DLGAP5: variants seen among roughly 807,000 people sequenced by gnomAD.
DLGAP5 encodes the protein disks large-associated protein 5.
A neutral mutation model predicts 99.6 loss-of-function variants in DLGAP5; 90 were observed. The ratio of observed to expected loss-of-function variants is 0.90; its 90% CI spans 0.76 to 1.08. The LOEUF (loss-of-function observed/expected upper bound fraction) is 1.08. Among genes scored for constraint, DLGAP5 ranks in the 50% least tolerant of loss-of-function variants. The pLI is 0.00. For missense variants in DLGAP5, 1,036 were observed against 983.5 expected (o/e 1.05, Z -0.71); for synonymous variants, 311 against 321.3 (o/e 0.97, Z 0.34).
At chr14:55,170,608 A>C in intron 11 of DLGAP5, 94 bp downstream of exon 11, 3 of 1,105,954 alleles carry the variant, frequency 2.7e-6, no homozygotes, top group Non-Finnish European at 4.0e-6. Flanking sequence ...ATAATGAAAC[A>C]ATAAAGTTAG....
chr14:55,149,816 G>GA (rs1881949137), intron 18 of DLGAP5, among the ~76,000 whole-genome samples: 1 of 7,894 alleles, frequency 1.3e-4, no homozygotes, highest in South Asian at 5.7e-3. Context: ...GAATCGGGGC[G>GA]GGGGGGGGGC....
At chr14:55,182,263 G>C in intron 4 of DLGAP5, 107 bp downstream of exon 4, 2 of 949,560 alleles carry the variant, frequency 2.1e-6, no homozygotes, top group Non-Finnish European at 3.1e-6. Context: ...GTTAACTCTA[G>C]TAAATTAATC....
At position 55,162,660 on chromosome 14, in the gene DLGAP5, A is replaced by G. The variant is rs991285013; in HGVS notation, c.1653+311T>C. ...GAAGAAGAATAAAACCAACACTCAT[A>G]TATCCAGTATGTGGTAACTTAGAAG... On this transcript the variant is annotated intron_variant, in intron 13 of 18. Coordinates refer to ENST00000247191, the MANE Select transcript of DLGAP5 (RefSeq NM_014750.5). Among the ~76,000 whole-genome samples the G allele has an allele frequency of 5.9e-5, 9 of 151,960 alleles. No homozygotes were observed. In the East Asian group the frequency reaches 1.5e-3, roughly 26 times the overall value.
At chr14:55,176,420 G>A (rs999463190) in intron 8 of DLGAP5, among the ~76,000 whole-genome samples, 4 of 152,150 alleles carry the variant, frequency 2.6e-5, no homozygotes, top group Admixed American at 1.3e-4. Context: ...TACTAAGCCA[G>A]AAGAAAATGA....
intron 18 of DLGAP5, among the ~76,000 whole-genome samples, chr14:55,149,824 G>C (rs1881951089): frequency 8.3e-6 from 1 of 121,066 alleles, no homozygotes; most frequent in Non-Finnish European, 1.8e-5. Context: ...GCGGGGGGGG[G>C]GCATCACCTG....
At chr14:55,157,837 G>T (rs1285397537) in intron 14 of DLGAP5, among the ~76,000 whole-genome samples, 1 of 152,254 alleles carries the variant, frequency 6.6e-6, no homozygotes, top group South Asian at 2.1e-4. Context: ...ATCATAGCTC[G>T]CTGTAACCTT....
intron 12 of DLGAP5, among the ~76,000 whole-genome samples, chr14:55,165,658 T>C (rs913820659): frequency 5.9e-5 from 9 of 152,204 alleles, no homozygotes; most frequent in Non-Finnish European, 1.2e-4. Context: ...GAAATGCAGA[T>C]AGTACTGAAC....
At chr14:55,176,649 CTAA>C (rs1248486276) in intron 8 of DLGAP5, among the ~76,000 whole-genome samples, 2 of 151,938 alleles carry the variant, frequency 1.3e-5, no homozygotes, top group Non-Finnish European at 2.9e-5. Flanking sequence ...ACACAGTTCA[CTAA>C]TAATAACTTT....
At chr14:55,188,573 C>T (rs17128292) in intron 2 of DLGAP5, among the ~76,000 whole-genome samples, 12,626 of 152,016 alleles carry the variant, frequency 0.083, 1,406 homozygotes, top group African/African-American at 0.25. Context: ...TAATACTCCA[C>T]AGGTAAAGGC....
At chr14:55,189,288 A>G (rs540602731) in intron 1 of DLGAP5, 108 bp from the exon 2 acceptor site, 9 of 790,836 alleles carry the variant, frequency 1.1e-5, no homozygotes, top group East Asian at 1.1e-4. Context: ...AAATAAAAAT[A>G]TAAAATGTGC....
In DLGAP5 at chr14:55,175,901, C is replaced by T. The variant is rs1021334718; in HGVS notation, c.1167G>A (p.Trp389Ter). The T allele has an allele frequency of 1.9e-6, 3 of 1,591,194 alleles. No individual in the cohort carries two copies. The highest frequency in any genetic ancestry group is 3.4e-5 in the Admixed American group (2 of 58,918). The change falls in exon 9 of 19, where the codon TGG becomes TGA. Residue 389 changes from tryptophan to a stop codon, truncating the protein, a stop_gained. Transcript: ENST00000247191. LOFTEE classifies it high-confidence loss of function. ...LPCPLGPLTV[W>*]HEEHVLNKNE... ...ATTAATTAAATACTATACCTTCATG[C>T]CAAACAGTTAGAGGACCCAAAGGAC...
intron 2 of DLGAP5, among the ~76,000 whole-genome samples, chr14:55,185,807 CCT>C (rs1460050243): frequency 1.3e-5 from 2 of 152,170 alleles, no homozygotes; most frequent in Non-Finnish European, 1.5e-5. Flanking sequence ...CTTTACATTC[CCT>C]CTCTTTTCAA....
In DLGAP5 at chr14:55,158,598, C is replaced by G; in HGVS notation, c.1797G>C (p.Val599=). 6.2e-7 allele frequency: 1 copy of G among 1,614,126 alleles called. No individual in the cohort carries two copies. Among genetic ancestry groups the G allele is most frequent in the African/African-American group, 1.3e-5 (1 of 75,042 alleles). The part of the protein sequence containing the change: ...QEECAETAVS[V]IPKEVDKIVF... Reference sequence around the variant, plus strand: ...CTATTTTATCAACTTCCTTTGGTATCACAGAAACTGCTGTTTCAGCACATT... The same window carrying G: ...CTATTTTATCAACTTCCTTTGGTATGACAGAAACTGCTGTTTCAGCACATT... Residue 599 remains valine, a synonymous_variant, in exon 14 of 19, where the codon GTG becomes GTC. Transcript: ENST00000247191.
chr14:55,168,055 A>G (rs1439537102), intron 12 of DLGAP5, among the ~76,000 whole-genome samples: 1 of 151,940 alleles, frequency 6.6e-6, no homozygotes, highest in Non-Finnish European at 1.5e-5. Context: ...TGGTCCATGT[A>G]ATTTTCTTAT....
chr14:55,174,852 G>A (rs548329737), intron 10 of DLGAP5, among the ~76,000 whole-genome samples: 10 of 152,106 alleles, frequency 6.6e-5, no homozygotes, highest in South Asian at 6.2e-4. Context: ...CACCACGCCC[G>A]GATAATTTTT....
chr14:55,173,991 G>A (rs890105709), intron 10 of DLGAP5, among the ~76,000 whole-genome samples: 5 of 152,206 alleles, frequency 3.3e-5, no homozygotes, highest in African/African-American at 9.7e-5. Flanking sequence ...GGATAACAGC[G>A]ATTGTTCAGG....
At position 55,151,872 on chromosome 14, in the gene DLGAP5, C is replaced by T; in HGVS notation, c.2191G>A (p.Gly731Ser). 1 of 1,613,908 alleles carries T rather than the reference C, an allele frequency of 6.2e-7. No individual in the cohort carries two copies. The highest frequency in any genetic ancestry group is 8.5e-7 in the Non-Finnish European group (1 of 1,179,904). The change falls in exon 17 of 19, where the codon GGT becomes AGT. Residue 731 changes from glycine to serine, a missense_variant. By Grantham distance (56) the Gly-to-Ser change is moderately conservative. Coordinates refer to ENST00000247191, the MANE Select transcript of DLGAP5 (RefSeq NM_014750.5). ...GTATTAATATCATCTGCTACTCCAC[C>T]AGCAAGAAGAGGCAAACTCATTCTC... is the stretch of plus-strand genomic sequence containing the variant. ...SERMSLPLLA[G>S]GVADDINTNK...
intron 12 of DLGAP5, among the ~76,000 whole-genome samples, chr14:55,166,829 G>C (rs1477581069): frequency 6.6e-6 from 1 of 150,808 alleles, no homozygotes. Context: ...CATTTCAAAT[G>C]AATGAATTTT....
chr14:55,160,391 T>C (rs1156986518), intron 13 of DLGAP5, among the ~76,000 whole-genome samples: 1 of 141,006 alleles, frequency 7.1e-6, no homozygotes, highest in African/African-American at 2.6e-5. Context: ...CAAGACTCTA[T>C]ATAAAAAAAA....
Sources: gnomAD v4.1 joint callset for allele counts (sites outside exome capture counted in the v4.1 genomes callset) on GRCh38, gnomAD v4.1.1 for gene constraint, MANE v1.5 for transcripts, NCBI Gene and HGNC (gene_info 2026-07-23, HGNC 2026-07-21) for gene names.